Variants in SLC24A2 observed in about 807,000 individuals in gnomAD.
SLC24A2 encodes the protein solute carrier family 24 member 2.
In SLC24A2, 36 loss-of-function variants were observed where a neutral mutation model predicts 62.0. The observed-to-expected ratio is 0.58, with a 90% CI of 0.44 to 0.77. The LOEUF is 0.77. Among genes scored for constraint, SLC24A2 ranks in the 30% least tolerant of loss-of-function variants. The pLI is 0.00. For synonymous variants in SLC24A2, 358 were observed against 294.0 expected (o/e 1.22, Z -2.23); for missense variants, 846 against 817.9 (o/e 1.03, Z -0.42).
At chr9:20,180,521 T>C in the SLC24A2 span, among the ~76,000 whole-genome samples, 2 of 152,194 alleles carry the variant, frequency 1.3e-5, no homozygotes, top group African/African-American at 4.8e-5. Context: ...CAGAAATCCT[T>C]TGTCTTTCCT....
intron 2 of SLC24A2, among the ~76,000 whole-genome samples, chr9:19,755,676 A>G (rs1822118832): frequency 1.3e-5 from 2 of 152,180 alleles, no homozygotes; most frequent in African/African-American, 4.8e-5. Flanking sequence ...GAGTCTATCA[A>G]GCTATTTTAG....
At chr9:19,958,607 C>A in the SLC24A2 span, among the ~76,000 whole-genome samples, 1 of 152,214 alleles carries the variant, frequency 6.6e-6, no homozygotes, top group African/African-American at 2.4e-5. Context: ...CTAAGTGACA[C>A]TGAACAAGAC....
the SLC24A2 span, chr9:19,896,006 G>A: frequency 2.1e-5 from 33 of 1,543,714 alleles, no homozygotes; most frequent in South Asian, 1.3e-4. Context: ...TCAGTGTGAC[G>A]GCAGGGTCGT....
At chr9:20,242,644 A>T in the SLC24A2 span, among the ~76,000 whole-genome samples, 1 of 152,192 alleles carries the variant, frequency 6.6e-6, no homozygotes, top group Non-Finnish European at 1.5e-5. Flanking sequence ...TTCTCTCACC[A>T]GCTCTGACTC....
the SLC24A2 span, among the ~76,000 whole-genome samples, chr9:20,263,173 G>C: frequency 6.6e-6 from 1 of 152,158 alleles, no homozygotes; most frequent in Non-Finnish European, 1.5e-5. Context: ...TTTGTTCTGA[G>C]GTTAACCTGG....
rs111819610 is a variant in SLC24A2, at chr9:19,528,515, C to T, written c.1480-377G>A. On this transcript the variant is annotated intron_variant, in intron 8 of 10. Transcript: ENST00000341998. ...CTCCTCCTTTTTCTTTCTTTTGCTC[C>T]AGAGTTTGTCAGAATCAGTTTCTAT... Among the ~76,000 whole-genome samples the T allele has an allele frequency of 2.4e-3, 369 of 152,160 alleles. 2 individuals are homozygous for T. The highest frequency in any genetic ancestry group is 8.3e-3 in the African/African-American group (346 of 41,510).
the SLC24A2 span, among the ~76,000 whole-genome samples, chr9:20,130,591 G>A: frequency 1.3e-5 from 2 of 152,004 alleles, no homozygotes; most frequent in Admixed American, 6.6e-5. Context: ...TGATTTAATG[G>A]GAAATGTAGG....
At chr9:19,720,972 C>T (rs998177334) in intron 2 of SLC24A2, among the ~76,000 whole-genome samples, 3 of 151,326 alleles carry the variant, frequency 2.0e-5, no homozygotes, top group Non-Finnish European at 4.4e-5. Context: ...AAGTATAGTG[C>T]TTGACACAAG....
chr9:19,636,315 T>TTTCTTTCTCTCTCTTTC (rs1554690361), intron 2 of SLC24A2, among the ~76,000 whole-genome samples: 2 of 40,328 alleles, frequency 5.0e-5, no homozygotes, highest in African/African-American at 2.3e-4. Flanking sequence ...TTTTCTTTTC[T>TTTCTTTCTCTCTCTTTC]TTTCTTTCTT....
the SLC24A2 span, among the ~76,000 whole-genome samples, chr9:20,024,755 G>A: frequency 1.3e-5 from 2 of 152,176 alleles, no homozygotes; most frequent in Non-Finnish European, 2.9e-5. Flanking sequence ...AAGTCGGGGT[G>A]AGGTGGGGTG....
chr9:19,689,769 T>C (rs1337043106), intron 2 of SLC24A2, among the ~76,000 whole-genome samples: 2 of 152,148 alleles, frequency 1.3e-5, no homozygotes, highest in East Asian at 3.9e-4. Flanking sequence ...TCTGTTTGGG[T>C]TAATTTTAAG....
chr9:19,602,471 T>C (rs1836867668), intron 4 of SLC24A2, among the ~76,000 whole-genome samples: 1 of 152,184 alleles, frequency 6.6e-6, no homozygotes, highest in African/African-American at 2.4e-5. Context: ...CCAAAGGAAG[T>C]CTATGAATGT....
chr9:20,264,582 T>A, the SLC24A2 span, among the ~76,000 whole-genome samples: 2 of 152,202 alleles, frequency 1.3e-5, no homozygotes, highest in Admixed American at 6.5e-5. Context: ...TTACTAACTA[T>A]GGAAATTTGG....
chr9:19,896,061 A>T, the SLC24A2 span: 1 of 1,140,036 alleles, frequency 8.8e-7, no homozygotes. Context: ...GCCTTGCTGG[A>T]CTGGATCGAG....
the SLC24A2 span, among the ~76,000 whole-genome samples, chr9:20,104,111 G>C: frequency 6.6e-6 from 1 of 152,114 alleles, no homozygotes; most frequent in Non-Finnish European, 1.5e-5. Context: ...GATGGAAGAT[G>C]AAATGAATGA....
intron 7 of SLC24A2, among the ~76,000 whole-genome samples, chr9:19,556,029 T>A (rs1386769695): frequency 2.0e-5 from 3 of 152,158 alleles, no homozygotes; most frequent in African/African-American, 7.2e-5. Flanking sequence ...AGGACTCTTA[T>A]CAATACCGAA....
chr9:20,243,856 G>A, the SLC24A2 span, among the ~76,000 whole-genome samples: 1 of 152,156 alleles, frequency 6.6e-6, no homozygotes, highest in African/African-American at 2.4e-5. Context: ...AGGCCAGTGT[G>A]ACAATCAAGG....
At chr9:19,659,251 A>G (rs998691215) in intron 2 of SLC24A2, among the ~76,000 whole-genome samples, 3 of 152,184 alleles carry the variant, frequency 2.0e-5, no homozygotes, top group Non-Finnish European at 4.4e-5. Context: ...CCAGAAGCTA[A>G]GAAGAGGTGA....
intron 5 of SLC24A2, among the ~76,000 whole-genome samples, chr9:19,584,997 C>A: frequency 6.6e-6 from 1 of 152,188 alleles, no homozygotes; most frequent in African/African-American, 2.4e-5. Context: ...ATTAGATTTA[C>A]AGACACAATC....
Sources: allele counts gnomAD v4.1 joint callset (sites outside exome capture counted in the v4.1 genomes callset), GRCh38; gene constraint gnomAD v4.1.1; transcripts MANE v1.5; gene names NCBI Gene and HGNC (gene_info 2026-07-23, HGNC 2026-07-21).